The following DAPK2 variants were observed in gnomAD, a reference collection of about 807,000 sequenced individuals.
The protein encoded by DAPK2 is death associated protein kinase 2, also known as death-associated protein kinase 2.
DAPK2 carries 35 observed loss-of-function variants against 44.1 expected under a neutral mutation model. The ratio of observed to expected loss-of-function variants is 0.79; its 90% CI spans 0.61 to 1.05. DAPK2 has a LOEUF of 1.05. Ranked by LOEUF, DAPK2 falls within the 50% of genes least tolerant of loss-of-function variation. The pLI, the probability that DAPK2 is intolerant of heterozygous loss-of-function variation, is 0.00. For missense variants in DAPK2, 453 were observed against 483.2 expected (o/e 0.94, Z 0.59); for synonymous variants, 174 against 182.6 (o/e 0.95, Z 0.38).
upstream of DAPK2, chr15:64,040,382 C>T (rs1447026667): frequency 3.9e-6 from 3 of 771,220 alleles, no homozygotes; most frequent in Non-Finnish European, 6.8e-6. Context: ...TAATAATCCA[C>T]AGCCTTGGTT....
intron 8 of DAPK2, chr15:63,922,418 A>G: frequency 1.8e-6 from 2 of 1,106,784 alleles, no homozygotes; most frequent in Non-Finnish European, 2.2e-6. Context: ...TTCATCACAA[A>G]TCAATTCTCA....
At chr15:64,027,080 T>TA (rs960922375) in intron 1 of DAPK2, among the ~76,000 whole-genome samples, 3 of 152,000 alleles carry the variant, frequency 2.0e-5, no homozygotes, top group Admixed American at 2.0e-4. Flanking sequence ...CCTGTCTCTA[T>TA]AAAAAATATA....
intron 2 of DAPK2, among the ~76,000 whole-genome samples, chr15:63,978,755 C>A (rs555135338): frequency 6.6e-6 from 1 of 152,174 alleles, no homozygotes; most frequent in Non-Finnish European, 1.5e-5. Flanking sequence ...CCTCTTACAT[C>A]CCACATCTCT....
rs990657251 is a variant in DAPK2 at position 63,923,541 on chromosome 15, G to A, written c.858+1275C>T. Among the ~76,000 whole-genome samples the A allele has an allele frequency of 2.0e-5, 3 of 152,230 alleles. No homozygotes were observed. The highest frequency in any genetic ancestry group is 2.0e-4 in the Admixed American group (3 of 15,286). ...AGGAGTGTGGGGGTGCTGTCTGCAT[G>A]CTCATTCAGGGCAGAAGGGTCCACA... On this transcript the variant is annotated intron_variant, in intron 8 of 10. Transcript: ENST00000261891. The surrounding 1 kb of genome is among the most constrained non-coding windows in gnomAD (Gnocchi z 4.2).
chr15:63,998,735 C>T (rs2079012086), intron 1 of DAPK2, among the ~76,000 whole-genome samples: 2 of 152,210 alleles, frequency 1.3e-5, no homozygotes, highest in South Asian at 2.1e-4. Context: ...TCCTGCCCTG[C>T]ACTGTTCTGT....
intron 1 of DAPK2, among the ~76,000 whole-genome samples, chr15:63,987,817 T>G (rs1370946367): frequency 6.6e-6 from 1 of 152,134 alleles, no homozygotes; most frequent in East Asian, 1.9e-4. Flanking sequence ...GCCCTACCAC[T>G]AACGAGCCAG....
At chr15:64,006,988 G>A (rs2079247839) in intron 1 of DAPK2, among the ~76,000 whole-genome samples, 1 of 152,118 alleles carries the variant, frequency 6.6e-6, no homozygotes, top group Non-Finnish European at 1.5e-5. Flanking sequence ...AACCTGCATG[G>A]GCTGCAGGGG....
intron 1 of DAPK2, among the ~76,000 whole-genome samples, chr15:63,994,617 T>C (rs1163974382): frequency 1.4e-5 from 2 of 142,476 alleles, no homozygotes; most frequent in Non-Finnish European, 3.0e-5. Context: ...TGAGACGTAG[T>C]CTCCCTCTGT....
intron 3 of DAPK2, among the ~76,000 whole-genome samples, chr15:63,969,379 C>A (rs1038550819): frequency 6.6e-6 from 1 of 152,036 alleles, no homozygotes; most frequent in Non-Finnish European, 1.5e-5. Flanking sequence ...GAGATCACGC[C>A]ACTGCACTCC....
chr15:63,952,299 T>C (rs1018424120), intron 3 of DAPK2, among the ~76,000 whole-genome samples: 1 of 152,164 alleles, frequency 6.6e-6, no homozygotes, highest in African/African-American at 2.4e-5. Context: ...GATTAGTTCT[T>C]AGTTACGCTT....
Position 64,016,490 on chromosome 15 carries a change from T to C in DAPK2, c.92+23680A>G, listed in dbSNP as rs138147234. ...AATAATCGCTGCCTTGCAAGGTTAT[T>C]GTGACAGTTAGAAATAGCATAGGCT... On this transcript the variant is annotated intron_variant, in intron 1 of 10. Transcript: ENST00000261891. Among the ~76,000 whole-genome samples, 203 of 152,266 alleles carry C rather than the reference T, an allele frequency of 1.3e-3. 1 individual carries two copies. Among genetic ancestry groups the C allele is most frequent in the African/African-American group, 4.4e-3 (184 of 41,540 alleles).
At chr15:63,962,191 A>T (rs989654051) in intron 3 of DAPK2, among the ~76,000 whole-genome samples, 10 of 152,214 alleles carry the variant, frequency 6.6e-5, no homozygotes, top group Non-Finnish European at 1.3e-4. Context: ...TTTCAGCTCC[A>T]TCAGGTCATT....
At chr15:63,983,450 C>T in intron 2 of DAPK2, 83 bp downstream of exon 3, 3 of 1,344,146 alleles carry the variant, frequency 2.2e-6, no homozygotes, top group East Asian at 2.3e-5. Flanking sequence ...GCTGCTGCCC[C>T]CTGGGGCCTG....
At chr15:63,988,557 T>TACC (rs1343484496) in intron 1 of DAPK2, among the ~76,000 whole-genome samples, 11 of 149,788 alleles carry the variant, frequency 7.3e-5, no homozygotes, top group African/African-American at 2.7e-4. Context: ...CAGGATGGAG[T>TACC]ACGGTGGCGC....
chr15:64,038,814 C>T (rs781731554), intron 1 of DAPK2, among the ~76,000 whole-genome samples: 3 of 152,190 alleles, frequency 2.0e-5, no homozygotes, highest in African/African-American at 4.8e-5. Flanking sequence ...CCCCACATCC[C>T]TAAGCTAAAG....
At position 63,939,101 on chromosome 15, in the gene DAPK2, A is replaced by G; in HGVS notation, c.583+131T>C. 3 of 1,453,838 alleles carry G rather than the reference A, an allele frequency of 2.1e-6. No homozygotes were observed. The highest frequency in any genetic ancestry group is 1.4e-5 in the South Asian group (1 of 72,920). The allele number at this position is 1,453,838 out of a possible 1,614,324, so 90.1% of individuals were successfully genotyped here. A position where few individuals can be genotyped will look rare whatever the true frequency, so the allele number is the denominator to read the frequency against. On this transcript the variant is annotated intron_variant, in intron 4 of 10. Transcript: ENST00000261891. The surrounding 1 kb of genome is among the most constrained non-coding windows in gnomAD (Gnocchi z 4.3). ...TAAGACATTTCCTTCCCCACCCATT[A>G]GGTTTCTAGAGATGTCCCAATGCAT... is the stretch of plus-strand genomic sequence containing the variant.
chr15:63,922,363 C>T (rs2079098605), intron 8 of DAPK2: 1 of 1,013,136 alleles, frequency 9.9e-7, no homozygotes, highest in Non-Finnish European at 1.2e-6. Context: ...CCAAGATCTA[C>T]AGTCCATAAG....
intron 3 of DAPK2, among the ~76,000 whole-genome samples, chr15:63,957,960 T>G (rs566184885): frequency 1.3e-5 from 2 of 152,346 alleles, no homozygotes; most frequent in African/African-American, 4.8e-5. Context: ...TGAACCAGTT[T>G]ACAGTCCCAC....
chr15:63,941,683 ATTC>A (rs1290226190), intron 3 of DAPK2, among the ~76,000 whole-genome samples: 4 of 149,984 alleles, frequency 2.7e-5, no homozygotes, highest in Admixed American at 2.0e-4. Context: ...TTGCTTTTTT[ATTC>A]TTCTTCCCCT....
Sources: gnomAD v4.1 joint callset for allele counts (sites outside exome capture counted in the v4.1 genomes callset) on GRCh38, gnomAD v4.1.1 for gene constraint, Gnocchi (gnomAD v3.1) non-coding constraint, MANE v1.5 for transcripts, NCBI Gene and HGNC (gene_info 2026-07-23, HGNC 2026-07-21) for gene names.